The following NOSTRIN variants were observed in gnomAD, a reference collection of about 807,000 sequenced individuals.
NOSTRIN encodes the protein nitric oxide synthase trafficking.
Under a neutral mutation model 59.0 loss-of-function variants are expected in NOSTRIN, and 63 were observed. The ratio of observed to expected loss-of-function variants is 1.07; its 90% CI spans 0.87 to 1.32. The LOEUF is 1.32. Ranked by LOEUF, NOSTRIN falls within the 40% of genes most tolerant of loss-of-function variation. The pLI is 0.00. For missense variants in NOSTRIN, 512 were observed against 473.1 expected (o/e 1.08, Z -0.76); for synonymous variants, 200 against 165.4 (o/e 1.21, Z -1.61).
chr2:168,826,688 C>T (rs1209422018), intron 3 of NOSTRIN, among the ~76,000 whole-genome samples: 1 of 152,142 alleles, frequency 6.6e-6, no homozygotes, highest in East Asian at 1.9e-4. Flanking sequence ...GATGCTCTAC[C>T]CAGAAATGTG....
chr2:168,808,810 A>G lies in NOSTRIN; in HGVS notation c.28-2757A>G, dbSNP rs146560259. On this transcript the variant is annotated intron_variant, in intron 1 of 15. Transcript: ENST00000317647. ...GATACATGTATGTAATACAATTCCA[A>G]TTAGGATCCCAACGGGGATTTAAAA... is the stretch of plus-strand genomic sequence containing the variant. 3.9e-3 allele frequency among the ~76,000 whole-genome samples: 595 copies of G among 152,346 alleles called. 4 individuals carry two copies. The highest frequency in any genetic ancestry group is 0.014 in the African/African-American group (563 of 41,576).
At chr2:168,863,921 TTTTTTTTG>T (rs1689666971) in intron 15 of NOSTRIN, among the ~76,000 whole-genome samples, 1 of 152,232 alleles carries the variant, frequency 6.6e-6, no homozygotes, top group African/African-American at 2.4e-5. Context: ...TTTTTTATTT[TTTTTTTTG>T]AGGCAGAGTC....
chr2:168,863,024 TAAAA>T (rs1330337287), intron 15 of NOSTRIN, among the ~76,000 whole-genome samples: 1 of 34,874 alleles, frequency 2.9e-5, no homozygotes, highest in Non-Finnish European at 4.6e-5. Context: ...CCTATGTGAA[TAAAA>T]GACAGACATA....
At chr2:168,805,514 A>G (rs829955) in intron 1 of NOSTRIN, among the ~76,000 whole-genome samples, 133,677 of 152,212 alleles carry the variant, frequency 0.88, 58,758 homozygotes, top group East Asian at 0.98. Flanking sequence ...GAAAGAATCC[A>G]ATCATAAGAA....
intron 10 of NOSTRIN, among the ~76,000 whole-genome samples, chr2:168,852,839 C>T (rs1343194194): frequency 6.6e-6 from 1 of 152,052 alleles, no homozygotes. Flanking sequence ...TTAGCAATAT[C>T]AATGTCTGTT....
intron 6 of NOSTRIN, among the ~76,000 whole-genome samples, chr2:168,831,808 G>T (rs1483932370): frequency 2.0e-5 from 3 of 152,102 alleles, no homozygotes; most frequent in Non-Finnish European, 4.4e-5. Context: ...ATATGTCATT[G>T]TGCATTGCCC....
chr2:168,834,807 C>T (rs1687624791), intron 7 of NOSTRIN, among the ~76,000 whole-genome samples: 1 of 151,768 alleles, frequency 6.6e-6, no homozygotes, highest in African/African-American at 2.4e-5. Flanking sequence ...AGCTAATACC[C>T]CAAATAAGTA....
chr2:168,864,053 C>T (rs763188252), intron 15 of NOSTRIN, among the ~76,000 whole-genome samples: 5 of 151,354 alleles, frequency 3.3e-5, no homozygotes, highest in South Asian at 2.1e-4. Context: ...CTGCAACCTC[C>T]GTCTCCTGGA....
At chr2:168,856,885 CAT>C (rs1391358298) in intron 12 of NOSTRIN, 107 bp downstream of exon 12, 42 of 1,005,106 alleles carry the variant, frequency 4.2e-5, no homozygotes, top group Non-Finnish European at 5.2e-5. Flanking sequence ...TTTCTCATGA[CAT>C]AGAACAATCT....
upstream of NOSTRIN, among the ~76,000 whole-genome samples, chr2:168,794,382 C>T (rs1172032597): frequency 3.5e-5 from 5 of 144,312 alleles, no homozygotes; most frequent in East Asian, 8.4e-4. Context: ...GATGGAGTCT[C>T]GCTCTGTTGC....
chr2:168,793,860 A>G (rs193225954), upstream of NOSTRIN, among the ~76,000 whole-genome samples: 31 of 152,318 alleles, frequency 2.0e-4, 1 homozygote, highest in East Asian at 5.8e-3. Context: ...AGTTTCTGTT[A>G]CGTAAACACA....
rs62175720 is a variant in NOSTRIN, at chr2:168,818,354, G to C, written c.114-6280G>C. The stretch of plus-strand genomic sequence containing the variant: ...AAATTTTTTGTAGAAATGGGATCTT[G>C]ATATGTTGCCTAGGCTGGTCTCAAA... On this transcript the variant is annotated intron_variant, in intron 2 of 15. Coordinates refer to ENST00000317647, the MANE Select transcript of NOSTRIN (RefSeq NM_001039724.4). 6.6e-3 allele frequency: 1,637 copies of C among 248,010 alleles called. 14 individuals carry two copies. Among genetic ancestry groups the C allele is most frequent in the Middle Eastern group, 0.033 (52 of 1,580 alleles). The allele number at this position is 248,010 out of a possible 1,614,324, so 15.4% of individuals were successfully genotyped here.
At chr2:168,817,087 T>C (rs1284001201) in intron 2 of NOSTRIN, among the ~76,000 whole-genome samples, 2 of 152,234 alleles carry the variant, frequency 1.3e-5, no homozygotes, top group African/African-American at 4.8e-5. Flanking sequence ...ACTTGATCTC[T>C]TTAATTATCT....
At chr2:168,807,287 G>A (rs1172082684) in intron 1 of NOSTRIN, among the ~76,000 whole-genome samples, 1 of 152,142 alleles carries the variant, frequency 6.6e-6, no homozygotes, top group East Asian at 1.9e-4. Flanking sequence ...CACACAGAGA[G>A]AGAGAGAACT....
At chr2:168,837,545 G>A (rs933515712) in intron 7 of NOSTRIN, among the ~76,000 whole-genome samples, 4 of 151,884 alleles carry the variant, frequency 2.6e-5, no homozygotes, top group South Asian at 4.2e-4. Flanking sequence ...TCCTGACTTC[G>A]TGATCCGCCC....
At chr2:168,837,298 A>ATTTTTTT (rs1267903005) in intron 7 of NOSTRIN, among the ~76,000 whole-genome samples, 1 of 84,550 alleles carries the variant, frequency 1.2e-5, no homozygotes, top group Non-Finnish European at 2.6e-5. Flanking sequence ...CTTTTTTAAC[A>ATTTTTTT]TCTTTTTTTT....
intron 1 of NOSTRIN, among the ~76,000 whole-genome samples, chr2:168,804,177 G>T (rs78107156): frequency 0.01 from 1,529 of 152,276 alleles, 25 homozygotes; most frequent in African/African-American, 0.035. Context: ...CTTCAGACGT[G>T]GAGAAATGTT....
At chr2:168,828,305 A>G in intron 4 of NOSTRIN, 85 bp downstream of exon 4, 1 of 869,654 alleles carries the variant, frequency 1.1e-6, no homozygotes, top group Non-Finnish European at 2.0e-6. Context: ...TCCACTTCCA[A>G]CTTGCACTGA....
chr2:168,825,175 T>C (rs989589111), intron 3 of NOSTRIN, among the ~76,000 whole-genome samples: 1 of 152,248 alleles, frequency 6.6e-6, no homozygotes, highest in Non-Finnish European at 1.5e-5. Context: ...ACTGTGTGCA[T>C]GCACTGTGTT....
Sources: gnomAD v4.1 joint callset for allele counts (sites outside exome capture counted in the v4.1 genomes callset) on GRCh38, gnomAD v4.1.1 for gene constraint, MANE v1.5 for transcripts, NCBI Gene and HGNC (gene_info 2026-07-23, HGNC 2026-07-21) for gene names.